Variants in DPP4 observed in about 807,000 individuals in gnomAD.
The protein encoded by DPP4 is dipeptidyl peptidase 4.
DPP4 carries 93 observed loss-of-function variants against 122.4 expected under a neutral mutation model. The observed-to-expected ratio is 0.76, with a 90% CI of 0.64 to 0.90. The LOEUF (loss-of-function observed/expected upper bound fraction) is 0.90, where lower values mean the gene tolerates loss of function less well. DPP4 is among the 40% of genes least tolerant of loss of function. DPP4 has a pLI of 0.00. For missense variants in DPP4, 914 were observed against 907.3 expected (o/e 1.01, Z -0.09); for synonymous variants, 321 against 302.9 (o/e 1.06, Z -0.62).
At chr2:162,034,510 G>C (rs1050233948) in intron 9 of DPP4, among the ~76,000 whole-genome samples, 1 of 151,982 alleles carries the variant, frequency 6.6e-6, no homozygotes, top group Non-Finnish European at 1.5e-5. Flanking sequence ...TTTACTATTA[G>C]ATTCTCCTGC....
At chr2:162,020,364 G>A in intron 13 of DPP4, 68 bp from the exon 14 acceptor site, 1 of 1,301,202 alleles carries the variant, frequency 7.7e-7, no homozygotes, top group Admixed American at 2.3e-5. Flanking sequence ...GTTCAAAGTG[G>A]AGGATTAAAT....
chr2:162,017,100 GA>G lies in DPP4; in HGVS notation c.1468+7del. 1 of 1,610,818 alleles carries G rather than the reference GA, an allele frequency of 6.2e-7. No individual in the cohort carries two copies. Among genetic ancestry groups the G allele is most frequent in the Non-Finnish European group, 8.5e-7 (1 of 1,178,658 alleles). ...GAAACAAATGAAGAGTAAAATATGA[GA>G]AAATACCTTTATCATTCACGCTGCT... On this transcript the variant is annotated splice_region_variant and intron_variant, in intron 17 of 25. Transcript: ENST00000360534.
intron 2 of DPP4, among the ~76,000 whole-genome samples, chr2:162,066,248 T>C (rs899918959): frequency 1.3e-5 from 2 of 152,104 alleles, no homozygotes; most frequent in African/African-American, 4.8e-5. Flanking sequence ...CATCCTGCGT[T>C]TCTTTTTTTT....
chr2:162,000,301 A>G (rs534479678), intron 23 of DPP4, among the ~76,000 whole-genome samples: 7 of 152,258 alleles, frequency 4.6e-5, no homozygotes, highest in African/African-American at 1.7e-4. Flanking sequence ...TAAGAAAAGA[A>G]TGACTTCAAC....
At chr2:162,052,319 A>C (rs1684412077) in intron 2 of DPP4, among the ~76,000 whole-genome samples, 1 of 19,278 alleles carries the variant, frequency 5.2e-5, no homozygotes, top group Non-Finnish European at 1.2e-4. Flanking sequence ...ACTCCATCTC[A>C]AAAAAAAAAA....
chr2:162,020,332 A>G, intron 13 of DPP4, 36 bp from the exon 14 acceptor site: 2 of 1,227,526 alleles, frequency 1.6e-6, no homozygotes, highest in South Asian at 1.4e-5. Flanking sequence ...AAAAAAAAAA[A>G]GATTGATTAG....
chr2:162,018,394 A>C (rs1576042475), intron 16 of DPP4, among the ~76,000 whole-genome samples: 2 of 152,224 alleles, frequency 1.3e-5, no homozygotes, highest in Admixed American at 1.3e-4. Flanking sequence ...GGTGACACGC[A>C]CCAGCCACAT....
At chr2:162,070,105 A>C (rs912373785) in intron 2 of DPP4, among the ~76,000 whole-genome samples, 1 of 152,228 alleles carries the variant, frequency 6.6e-6, no homozygotes, top group African/African-American at 2.4e-5. Flanking sequence ...AAGTATTTTT[A>C]CGTATTTCTC....
intron 19 of DPP4, among the ~76,000 whole-genome samples, chr2:162,012,503 T>G (rs1443851703): frequency 6.6e-6 from 1 of 152,144 alleles, no homozygotes; most frequent in Non-Finnish European, 1.5e-5. Flanking sequence ...CATTGTGGAA[T>G]GGACTGCAGT....
At chr2:162,041,280 T>C (rs1683977742) in intron 5 of DPP4, among the ~76,000 whole-genome samples, 1 of 152,182 alleles carries the variant, frequency 6.6e-6, no homozygotes, top group Admixed American at 6.5e-5. Context: ...GTCTGCCTTC[T>C]TTACCATACT....
rs77753599 is a variant in DPP4 at position 162,059,457 on chromosome 2, C to T, written c.95-11956G>A. 2.6e-5 allele frequency among the ~76,000 whole-genome samples: 4 copies of T among 152,156 alleles called. No homozygotes were observed. The East Asian group carries it at 7.7e-4, about 29-fold the overall frequency. On this transcript the variant is annotated intron_variant, in intron 2 of 25. Coordinates refer to ENST00000360534, the MANE Select transcript of DPP4 (RefSeq NM_001935.4). ...GTGTATGACTAAATGACTCACTGGC[C>T]CGTGAAACATGCAACTATTTTAGCA... is the stretch of plus-strand genomic sequence containing the variant.
intron 9 of DPP4, 127 bp downstream of exon 9, chr2:162,035,037 C>T: frequency 1.1e-6 from 1 of 891,756 alleles, no homozygotes; most frequent in Non-Finnish European, 1.6e-6. Context: ...CTGTTGACTT[C>T]AGCAAGAGTA....
chr2:162,030,555 T>C (rs1683507691), intron 10 of DPP4, among the ~76,000 whole-genome samples: 1 of 152,196 alleles, frequency 6.6e-6, no homozygotes, highest in Non-Finnish European at 1.5e-5. Flanking sequence ...GGTAACAGGC[T>C]GAGCAGGTTA....
At chr2:162,020,099 GA>G (rs1365913380) in intron 14 of DPP4, 129 bp downstream of exon 14, 4 of 758,992 alleles carry the variant, frequency 5.3e-6, no homozygotes, top group Non-Finnish European at 8.5e-6. Flanking sequence ...ATGTTAAAAA[GA>G]AAAAAAGTAT....
chr2:162,013,984 G>A (rs1682810865), intron 19 of DPP4, among the ~76,000 whole-genome samples: 1 of 152,138 alleles, frequency 6.6e-6, no homozygotes, highest in South Asian at 2.1e-4. Context: ...ATAGCCGGCA[G>A]TAATATTTCA....
intron 14 of DPP4, 96 bp downstream of exon 14, chr2:162,020,133 C>G: frequency 9.7e-7 from 1 of 1,034,388 alleles, no homozygotes; most frequent in Non-Finnish European, 1.5e-6. Flanking sequence ...AAAAAGACTA[C>G]TCTTTATTTG....
chr2:162,022,705 T>C (rs1207775454), intron 12 of DPP4, 50 bp downstream of exon 12: 1 of 1,572,212 alleles, frequency 6.4e-7, no homozygotes, highest in Non-Finnish European at 8.8e-7. Context: ...GCATATCAAA[T>C]AGCTGAGTAG....
chr2:162,044,668 T>C (rs1684111521), intron 5 of DPP4, among the ~76,000 whole-genome samples: 1 of 152,180 alleles, frequency 6.6e-6, no homozygotes, highest in African/African-American at 2.4e-5. Context: ...AATCCATGAG[T>C]AACCAAAAAG....
intron 8 of DPP4, among the ~76,000 whole-genome samples, 178 bp downstream of exon 8, chr2:162,038,124 A>T (rs1281014058): frequency 1.3e-5 from 2 of 152,186 alleles, no homozygotes; most frequent in Non-Finnish European, 2.9e-5. Context: ...TGCTAGGAAT[A>T]GTTAAATTCT....
Sources: gnomAD v4.1 joint callset for allele counts (sites outside exome capture counted in the v4.1 genomes callset) on GRCh38, gnomAD v4.1.1 for gene constraint, MANE v1.5 for transcripts, NCBI Gene and HGNC (gene_info 2026-07-23, HGNC 2026-07-21) for gene names.